DENND6A: variants seen among roughly 807,000 people sequenced by gnomAD.
DENND6A encodes protein DENND6A.
DENND6A carries 43 observed loss-of-function variants against 95.5 expected under a neutral mutation model. The ratio of observed to expected loss-of-function variants is 0.45; its 90% confidence interval spans 0.35 to 0.58. DENND6A has a LOEUF of 0.58. DENND6A is among the 20% of genes least tolerant of loss of function. DENND6A has a pLI of 0.00. For synonymous variants in DENND6A, 257 were observed against 260.4 expected (o/e 0.99, Z 0.13); for missense variants, 574 against 736.0 (o/e 0.78, Z 2.55).
At position 57,661,441 on chromosome 3, in the gene DENND6A, C is replaced by A; in HGVS notation, c.619+5G>T. The A allele has an allele frequency of 6.4e-7, 1 of 1,557,156 alleles. No individual in the cohort carries two copies. The highest frequency in any genetic ancestry group is 1.4e-5 in the African/African-American group (1 of 71,246). On this transcript the variant is annotated splice_donor_5th_base_variant and intron_variant, in intron 6 of 19. Coordinates refer to ENST00000311128, the MANE Select transcript of DENND6A (RefSeq NM_152678.3). ...CTCCTGCATAAAGGTATATGTTAAA[C>A]TTACCTGCTTCCAAATAAGGTTCAT...
At chr3:57,664,376 T>A (rs2071492030) in intron 4 of DENND6A, among the ~76,000 whole-genome samples, 1 of 152,236 alleles carries the variant, frequency 6.6e-6, no homozygotes, top group Non-Finnish European at 1.5e-5. Flanking sequence ...AGCATTTACA[T>A]CTTAATGGAG....
intron 9 of DENND6A, among the ~76,000 whole-genome samples, chr3:57,647,012 T>A (rs1251427082): frequency 6.6e-6 from 1 of 152,214 alleles, no homozygotes; most frequent in Non-Finnish European, 1.5e-5. Flanking sequence ...GACACAACTC[T>A]GCTAGTATGT....
intron 9 of DENND6A, among the ~76,000 whole-genome samples, chr3:57,656,197 G>A (rs2071321802): frequency 6.6e-6 from 1 of 152,046 alleles, no homozygotes; most frequent in South Asian, 2.1e-4. Context: ...TCCTCCCCCA[G>A]CCCCAGGTAA....
intron 10 of DENND6A, 99 bp from the exon 11 acceptor site, chr3:57,645,855 G>A (rs2071069119): frequency 1.9e-5 from 14 of 756,006 alleles, no homozygotes; most frequent in Non-Finnish European, 3.0e-5. Context: ...CACACAAAGG[G>A]ATACTTTGTT....
chr3:57,663,769 C>A, intron 4 of DENND6A, 53 bp from the exon 5 acceptor site: 1 of 1,021,050 alleles, frequency 9.8e-7, no homozygotes. Context: ...ATATATGTAT[C>A]TATATCTATA....
At chr3:57,655,540 A>C (rs2071307374) in intron 9 of DENND6A, among the ~76,000 whole-genome samples, 1 of 152,218 alleles carries the variant, frequency 6.6e-6, no homozygotes, top group African/African-American at 2.4e-5. Context: ...TGATGCCACA[A>C]GTGGAAAATT....
intron 12 of DENND6A, among the ~76,000 whole-genome samples, chr3:57,638,200 T>C (rs532994974): frequency 6.6e-6 from 1 of 150,436 alleles, no homozygotes; most frequent in South Asian, 2.1e-4. Context: ...AAAAAGACAA[T>C]ACAAAATAGA....
chr3:57,626,617 G>C lies in DENND6A; in HGVS notation c.*1597C>G, dbSNP rs2070534397. On this transcript the variant is annotated 3_prime_UTR_variant, in exon 20 of 20. Transcript: ENST00000311128. The stretch of plus-strand genomic sequence containing the variant: ...CCAGCTACTCAGGAGGCTGAGGCAG[G>C]ACAATCACTTGCACCCGGGAGGTGG... 1 of 152,070 alleles carries C rather than the reference G, an allele frequency of 6.6e-6. No homozygotes were observed. The highest frequency in any genetic ancestry group is 2.1e-4 in the South Asian group (1 of 4,816). The allele number at this position is 152,070 out of a possible 1,614,324, so 9.4% of individuals were successfully genotyped here.
In DENND6A at chr3:57,626,775, A is replaced by AC. The variant is rs2070539428; in HGVS notation, c.*1438dup. ...AACACAAACCAAACAACCCTACTCT[A>AC]CCAAATCACATTCTTCTATTTTTGG... On this transcript the variant is annotated 3_prime_UTR_variant, in exon 20 of 20. Coordinates refer to ENST00000311128, the MANE Select transcript of DENND6A (RefSeq NM_152678.3). 6.6e-6 allele frequency: 1 copy of AC among 152,512 alleles called. No homozygotes were observed. Among genetic ancestry groups the AC allele is most frequent in the East Asian group, 1.9e-4 (1 of 5,208 alleles). The allele number at this position is 152,512 out of a possible 1,614,324, so 9.4% of individuals were successfully genotyped here.
At position 57,657,697 on chromosome 3, in the gene DENND6A, A is replaced by G. The variant is rs183629412; in HGVS notation, c.801T>C (p.His267=). 41 of 1,585,326 alleles carry G rather than the reference A, an allele frequency of 2.6e-5. No homozygotes were observed. In the African/African-American group the frequency reaches 4.9e-4, roughly 19 times the overall value. The change falls in exon 9 of 20, where the codon CAT becomes CAC. Residue 267 remains histidine (H), a synonymous_variant. Coordinates refer to ENST00000311128, the MANE Select transcript of DENND6A (RefSeq NM_152678.3). ...TNISVILPTV[H]EVDIFRCFCP... ...TTCTTTACCTGAAAATATCCACCTC[A>G]TGAACAGTAGGTAAAATAACAGATA...
chr3:57,675,882 T>C lies in DENND6A; in HGVS notation c.238-3444A>G, dbSNP rs984824714. Among the ~76,000 whole-genome samples the C allele has an allele frequency of 2.6e-5, 4 of 152,330 alleles. No individual in the cohort carries two copies. The East Asian group carries it at 7.7e-4, about 29-fold the overall frequency. On this transcript the variant is annotated intron_variant, in intron 1 of 19. Coordinates refer to ENST00000311128, the MANE Select transcript of DENND6A (RefSeq NM_152678.3). Reference sequence around the variant, plus strand: ...GGCATCTTGTGTGCATTGGTAGTAATGCCTCTCTCATGCCACCAATTATCA... The same window carrying C: ...GGCATCTTGTGTGCATTGGTAGTAACGCCTCTCTCATGCCACCAATTATCA...
chr3:57,643,432 C>T (rs1018089427), intron 11 of DENND6A, among the ~76,000 whole-genome samples: 17 of 152,126 alleles, frequency 1.1e-4, no homozygotes, highest in African/African-American at 2.7e-4. Flanking sequence ...CACACACACA[C>T]GCCTGGTTAT....
intron 9 of DENND6A, among the ~76,000 whole-genome samples, chr3:57,651,303 G>C (rs906660509): frequency 7.2e-5 from 11 of 152,202 alleles, no homozygotes; most frequent in African/African-American, 2.4e-4. Flanking sequence ...ACTTACAATG[G>C]GTTTAACAGG....
intron 9 of DENND6A, among the ~76,000 whole-genome samples, chr3:57,649,637 A>AT (rs2071154581): frequency 6.8e-6 from 1 of 148,088 alleles, no homozygotes; most frequent in African/African-American, 2.5e-5. Flanking sequence ...AGTGAAAAAA[A>AT]AAAAATATAT....
chr3:57,693,037 T>TCGCGCCGCCTCCACAGCGGAC lies in DENND6A; in HGVS notation c.-40_-20dup. The TCGCGCCGCCTCCACAGCGGAC allele has an allele frequency of 2.2e-6, 3 of 1,389,376 alleles. No homozygotes were observed. The highest frequency in any genetic ancestry group is 2.8e-6 in the Non-Finnish European group (3 of 1,080,898). The allele number at this position is 1,389,376 out of a possible 1,614,324, so 86.1% of individuals were successfully genotyped here. Reference sequence around the variant, plus strand: ...AAGCCATCGGCCGCCCCCTGACCGTTCGCGCCGCCTCCACAGCGGACCGCG... The same window carrying TCGCGCCGCCTCCACAGCGGAC: ...AAGCCATCGGCCGCCCCCTGACCGTTCGCGCCGCCTCCACAGCGGACCGCGCCGCCTCCACAGCGGACCGCG... On this transcript the variant is annotated 5_prime_UTR_variant, in exon 1 of 20. Transcript: ENST00000311128.
At chr3:57,690,047 GAAAAA>G (rs68096897) in intron 1 of DENND6A, among the ~76,000 whole-genome samples, 1 of 137,746 alleles carries the variant, frequency 7.3e-6, no homozygotes, top group East Asian at 2.2e-4. Context: ...TGTCTCTAAG[GAAAAA>G]AAAAAAAAAA....
rs1205305513 is a variant in DENND6A at position 57,626,568 on chromosome 3, G to C, written c.*1646C>G. The C allele has an allele frequency of 6.6e-6, 1 of 152,140 alleles. No individual in the cohort carries two copies. The highest frequency in any genetic ancestry group is 2.4e-5 in the African/African-American group (1 of 41,400). The allele number at this position is 152,140 out of a possible 1,614,324, so 9.4% of individuals were successfully genotyped here. ...CTACTAAAAATACAAAATTAGCCAG[G>C]CGTGGTGGCACATACCTGTAATCCC... On this transcript the variant is annotated 3_prime_UTR_variant, in exon 20 of 20. Transcript: ENST00000311128.
intron 1 of DENND6A, among the ~76,000 whole-genome samples, chr3:57,686,518 A>G (rs1009969903): frequency 2.0e-5 from 3 of 152,202 alleles, no homozygotes; most frequent in Non-Finnish European, 4.4e-5. Context: ...TGGCAAGCCT[A>G]CATTAAGCAA....
rs143262181 is a variant in DENND6A at position 57,658,406 on chromosome 3, G to A, written c.763-671C>T. 5.3e-5 allele frequency among the ~76,000 whole-genome samples: 8 copies of A among 152,190 alleles called. No individual in the cohort carries two copies. The East Asian group carries it at 1.2e-3, about 22-fold the overall frequency. On this transcript the variant is annotated intron_variant, in intron 8 of 19. Transcript: ENST00000311128. ...TTAGCCAGGCATGGTGGCATGCACC[G>A]TAGTCCTAGCTACTTAGGAGGCTGA...
Sources: gnomAD v4.1 joint callset for allele counts (sites outside exome capture counted in the v4.1 genomes callset) on GRCh38, gnomAD v4.1.1 for gene constraint, MANE v1.5 for transcripts, NCBI Gene and HGNC (gene_info 2026-07-23, HGNC 2026-07-21) for gene names.